The following IGSF10 variants were observed in gnomAD, a reference collection of about 807,000 sequenced individuals.
IGSF10 encodes the protein calvaria mechanical force protein 608.
In IGSF10, 126 loss-of-function variants were observed where a neutral mutation model predicts 128.2. The observed-to-expected ratio is 0.98, with a 90% CI of 0.85 to 1.14. The LOEUF (loss-of-function observed/expected upper bound fraction) is 1.14, where lower values mean the gene tolerates loss of function less well. Among genes scored for constraint, IGSF10 ranks in the 50% most tolerant of loss-of-function variants. The pLI is 0.00. For missense variants in IGSF10, 3,295 were observed against 3,149.8 expected (o/e 1.05, Z -1.10); for synonymous variants, 1,185 against 1,146.2 (o/e 1.03, Z -0.68).
the IGSF10 span, among the ~76,000 whole-genome samples, chr3:151,517,135 G>T: frequency 6.6e-6 from 1 of 151,942 alleles, no homozygotes; most frequent in Non-Finnish European, 1.5e-5. Context: ...AAAGGCTATG[G>T]TTACACAACA....
the IGSF10 span, among the ~76,000 whole-genome samples, chr3:151,497,613 G>A: frequency 1.3e-5 from 2 of 152,162 alleles, no homozygotes; most frequent in Non-Finnish European, 2.9e-5. Flanking sequence ...GTAGCATGAT[G>A]CCTCCAGCTT....
the IGSF10 span, among the ~76,000 whole-genome samples, chr3:151,550,681 T>G: frequency 1.3e-5 from 2 of 152,080 alleles, no homozygotes; most frequent in Admixed American, 6.6e-5. Context: ...TTTTTTCTCG[T>G]TTTTTACATT....
chr3:151,599,887 A>T, the IGSF10 span, among the ~76,000 whole-genome samples: 2 of 152,230 alleles, frequency 1.3e-5, no homozygotes, highest in Non-Finnish European at 2.9e-5. Flanking sequence ...TGATTAGGAC[A>T]GCATGGGAAA....
intron 7 of IGSF10, among the ~76,000 whole-genome samples, chr3:151,442,611 ACTC>A (rs1420243122): frequency 6.9e-6 from 1 of 145,940 alleles, no homozygotes. Flanking sequence ...CTGGTCCTGA[ACTC>A]CTGACCTCAG....
Position 151,443,708 on chromosome 3 carries a change from T to A in IGSF10, c.5239A>T (p.Ile1747Phe), listed in dbSNP as rs1389044081. ...TLSVVSYPPR[I>F]LERRTKEITV... Reference sequence around the variant, plus strand: ...ATCTCTTTGGTACGTCTCTCCAGGATCCTGGGAGGATAGGAAACCACAGAC... The same window carrying A: ...ATCTCTTTGGTACGTCTCTCCAGGAACCTGGGAGGATAGGAAACCACAGAC... Residue 1747 changes from isoleucine to phenylalanine, a missense_variant, in exon 7 of 8, where the codon ATC (isoleucine) becomes TTC (phenylalanine). Coordinates refer to ENST00000282466, the MANE Select transcript of IGSF10 (RefSeq NM_178822.5). 3 of 1,614,028 alleles carry A rather than the reference T, an allele frequency of 1.9e-6. No individual in the cohort carries two copies. Among genetic ancestry groups the A allele is most frequent in the Non-Finnish European group, 2.5e-6 (3 of 1,180,038 alleles).
the IGSF10 span, among the ~76,000 whole-genome samples, chr3:151,531,273 C>A: frequency 6.6e-6 from 1 of 151,460 alleles, no homozygotes; most frequent in South Asian, 2.1e-4. Flanking sequence ...AATATTAGAT[C>A]AATGAGACAG....
At chr3:151,501,481 G>A in the IGSF10 span, among the ~76,000 whole-genome samples, 130,253 of 151,998 alleles carry the variant, frequency 0.86, 56,027 homozygotes, top group Middle Eastern at 0.95. Flanking sequence ...AATGGTACCC[G>A]AGATTATTAT....
the IGSF10 span, among the ~76,000 whole-genome samples, chr3:151,568,021 C>G: frequency 2.0e-5 from 3 of 152,152 alleles, no homozygotes; most frequent in Non-Finnish European, 4.4e-5. Flanking sequence ...CAAAGCCTCT[C>G]TCTCTGTTTT....
chr3:151,579,478 T>C, the IGSF10 span, among the ~76,000 whole-genome samples: 4 of 152,094 alleles, frequency 2.6e-5, no homozygotes, highest in East Asian at 1.9e-4. Flanking sequence ...CAAGAAAATA[T>C]AGGGATTTTT....
the IGSF10 span, among the ~76,000 whole-genome samples, chr3:151,496,127 T>TGAAACCACG: frequency 5.3e-5 from 8 of 152,106 alleles, no homozygotes; most frequent in Non-Finnish European, 5.9e-5. Flanking sequence ...CCTTCTTGGC[T>TGAAACCACG]TGTATGTACA....
Position 151,438,092 on chromosome 3 carries a change from C to T in IGSF10, c.6469G>A (p.Asp2157Asn). The T allele has an allele frequency of 6.2e-7, 1 of 1,614,204 alleles. No homozygotes were observed. The highest frequency in any genetic ancestry group is 2.2e-5 in the East Asian group (1 of 44,876). The change falls in exon 8 of 8, where the codon GAC becomes AAC. Residue 2157 changes from aspartate to asparagine, a missense_variant. Transcript: ENST00000282466. ...NKTNKRIKAG[D>N]TAVLDCEVTG... ...ACCTCACAGTCAAGGACAGCTGTGT[C>T]TCCAGCTTTGATTCTCTTGTTGGTT...
At chr3:151,435,250 C>T (rs1720011469), downstream of IGSF10, 1 of 39,652 alleles carries the variant, frequency 2.5e-5, no homozygotes, top group Non-Finnish European at 4.9e-5. Flanking sequence ...TCAGCTATAC[C>T]TATCAATCAA....
At chr3:151,572,893 G>A in the IGSF10 span, among the ~76,000 whole-genome samples, 1 of 152,176 alleles carries the variant, frequency 6.6e-6, no homozygotes, top group Admixed American at 6.5e-5. Flanking sequence ...TGCTTTAAAT[G>A]TGTCCCAGAG....
chr3:151,601,153 T>C, the IGSF10 span, among the ~76,000 whole-genome samples: 1 of 152,142 alleles, frequency 6.6e-6, no homozygotes, highest in African/African-American at 2.4e-5. Flanking sequence ...CAAGTCTATG[T>C]GATCTATAAT....
At chr3:151,449,572 T>A (rs753967205) in intron 5 of IGSF10, among the ~76,000 whole-genome samples, 1 of 152,250 alleles carries the variant, frequency 6.6e-6, no homozygotes, top group Admixed American at 6.5e-5. Context: ...GTCATTTTTT[T>A]AAATCTAGGG....
chr3:151,495,906 T>G, the IGSF10 span, among the ~76,000 whole-genome samples: 125,084 of 152,008 alleles, frequency 0.82, 51,553 homozygotes, highest in Middle Eastern at 0.93. Flanking sequence ...TTCATTTTCT[T>G]CTACTGATAT....
At position 151,436,845 on chromosome 3, in the gene IGSF10, C is replaced by G. The variant is rs369704943; in HGVS notation, c.7716G>C (p.Thr2572=). The part of the protein sequence containing the change: ...WEMPDHSLLS[T]ASKERTHGSE... ...TTCCATGTGTCCTCTCTTTACTTGCCGTTGAGAGAAGGGAGTGGTCAGGCA... is the reference window on the plus strand; with the variant it reads ...TTCCATGTGTCCTCTCTTTACTTGCGGTTGAGAGAAGGGAGTGGTCAGGCA... The change falls in exon 8 of 8, where the codon ACG becomes ACC. Residue 2572 remains threonine, a synonymous_variant. Coordinates refer to ENST00000282466, the MANE Select transcript of IGSF10 (RefSeq NM_178822.5). 5 of 1,614,026 alleles carry G rather than the reference C, an allele frequency of 3.1e-6. No homozygotes were observed. Among genetic ancestry groups the G allele is most frequent in the Non-Finnish European group, 4.2e-6 (5 of 1,180,012 alleles).
chr3:151,584,417 T>C, the IGSF10 span, among the ~76,000 whole-genome samples: 1 of 152,212 alleles, frequency 6.6e-6, no homozygotes, highest in African/African-American at 2.4e-5. Flanking sequence ...TACTTGCTGA[T>C]TTATTTAGGT....
chr3:151,502,534 A>C, the IGSF10 span, among the ~76,000 whole-genome samples: 1 of 152,062 alleles, frequency 6.6e-6, no homozygotes, highest in East Asian at 1.9e-4. Context: ...CCTGTTTTTA[A>C]CTACACTTTA....
Sources: gnomAD v4.1 joint callset for allele counts (sites outside exome capture counted in the v4.1 genomes callset) on GRCh38, gnomAD v4.1.1 for gene constraint, MANE v1.5 for transcripts, NCBI Gene and HGNC (gene_info 2026-07-23, HGNC 2026-07-21) for gene names.